PRDM5: variants seen among roughly 807,000 people sequenced by gnomAD.
PRDM5 encodes the protein PR domain zinc finger protein 5.
A neutral mutation model predicts 81.2 loss-of-function variants in PRDM5; 56 were observed. That is an observed-to-expected ratio of 0.69 (90% CI 0.56 to 0.86). The LOEUF is 0.86. PRDM5 is among the 40% of genes least tolerant of loss of function. The probability of loss-of-function intolerance (pLI) is 0.00; values close to 1 mark genes in which losing one functional copy is unlikely to be tolerated. For missense variants in PRDM5, 697 were observed against 770.1 expected, an observed-to-expected ratio of 0.91 and a Z score of 1.12; for synonymous variants, 267 against 256.4, an observed-to-expected ratio of 1.04 and a Z score of -0.39.
chr4:120,744,790 T>C (rs1453862641), intron 14 of PRDM5, among the ~76,000 whole-genome samples: 1 of 150,722 alleles, frequency 6.6e-6, no homozygotes, highest in African/African-American at 2.4e-5. Flanking sequence ...CAAGAATCAA[T>C]AGCTTACCAA....
intron 14 of PRDM5, among the ~76,000 whole-genome samples, chr4:120,720,451 G>A (rs1578469995): frequency 6.6e-6 from 1 of 152,154 alleles, no homozygotes; most frequent in Admixed American, 6.5e-5. Flanking sequence ...CAACAGAATC[G>A]TGGGTGAAAT....
intron 2 of PRDM5, among the ~76,000 whole-genome samples, chr4:120,865,746 A>G (rs1761136522): frequency 6.6e-6 from 1 of 152,034 alleles, no homozygotes; most frequent in South Asian, 2.1e-4. Context: ...CATCACTTAC[A>G]CTGTCCTCAT....
chr4:120,857,215 TG>T (rs1253340959), intron 2 of PRDM5, among the ~76,000 whole-genome samples: 1 of 152,056 alleles, frequency 6.6e-6, no homozygotes, highest in East Asian at 1.9e-4. Context: ...GAAAATTAGC[TG>T]GTGTGGTGGC....
chr4:120,884,847 C>T (rs1579109341), intron 2 of PRDM5, among the ~76,000 whole-genome samples: 1 of 152,164 alleles, frequency 6.6e-6, no homozygotes, highest in East Asian at 1.9e-4. Flanking sequence ...TCTCTTTCAT[C>T]TCTTTCCCTT....
At chr4:120,751,377 T>A (rs994859131) in intron 14 of PRDM5, among the ~76,000 whole-genome samples, 3 of 151,468 alleles carry the variant, frequency 2.0e-5, no homozygotes, top group Admixed American at 6.6e-5. Context: ...GAGATTTTTT[T>A]AAAAATGCAA....
chr4:120,811,341 A>T (rs1753808253), intron 8 of PRDM5, 29 bp downstream of exon 8: 2 of 1,417,200 alleles, frequency 1.4e-6, no homozygotes, highest in Admixed American at 1.7e-5. Context: ...GATAGATATT[A>T]AACTGTGATG....
At chr4:120,810,488 C>T (rs930853622) in intron 8 of PRDM5, 4 of 151,826 alleles carry the variant, frequency 2.6e-5, no homozygotes, top group Admixed American at 6.6e-5. Flanking sequence ...TTAGCAGCAC[C>T]GAAATTGGAA....
chr4:120,706,093 T>G (rs201492294), intron 15 of PRDM5, among the ~76,000 whole-genome samples: 10,485 of 151,810 alleles, frequency 0.069, 424 homozygotes, highest in South Asian at 0.1. Context: ...ATCTTTTTTT[T>G]TTTTTTTTTC....
chr4:120,853,569 A>G (rs765422397), intron 2 of PRDM5, 29 bp from the exon 3 acceptor site: 5 of 1,613,218 alleles, frequency 3.1e-6, no homozygotes, highest in Middle Eastern at 1.6e-4. Context: ...CTGAGTTTAC[A>G]ATGGAAGTCA....
At chr4:120,893,972 A>G (rs1276720576) in intron 2 of PRDM5, among the ~76,000 whole-genome samples, 1 of 152,178 alleles carries the variant, frequency 6.6e-6, no homozygotes, top group East Asian at 1.9e-4. Flanking sequence ...CTTTGGTCCA[A>G]TTCATTAATA....
chr4:120,858,501 TTATTCCC>T (rs1268657894), intron 2 of PRDM5, among the ~76,000 whole-genome samples: 1 of 152,160 alleles, frequency 6.6e-6, no homozygotes, highest in East Asian at 1.9e-4. Flanking sequence ...GGCATGGGTT[TTATTCCC>T]CCACTGATTG....
intron 2 of PRDM5, chr4:120,885,793 C>G (rs576315514): frequency 1.5e-5 from 2 of 136,344 alleles, no homozygotes; most frequent in Admixed American, 7.3e-5. Context: ...ACCCTATCAC[C>G]GAAAGAAAAA....
chr4:120,799,536 T>A (rs1751817058), intron 9 of PRDM5, 125 bp downstream of exon 9: 1 of 1,415,836 alleles, frequency 7.1e-7, no homozygotes, highest in Non-Finnish European at 9.4e-7. Context: ...ATCACATGAC[T>A]ACTAAAGGTC....
intron 2 of PRDM5, among the ~76,000 whole-genome samples, chr4:120,866,179 G>A (rs551853248): frequency 4.5e-4 from 69 of 152,240 alleles, no homozygotes; most frequent in African/African-American, 1.6e-3. Flanking sequence ...TCTCAGCTCA[G>A]ATCACTGTAC....
At position 120,853,661 on chromosome 4, in the gene PRDM5, A is replaced by G; in HGVS notation, c.178-121T>C. On this transcript the variant is annotated intron_variant, in intron 2 of 15. Coordinates refer to ENST00000264808, the MANE Select transcript of PRDM5 (RefSeq NM_018699.4). ...TACCTTTTTTATTGATGGGTGATAA[A>G]TAGAAGTTGGACTAACATGCATTCT... The G allele has an allele frequency of 2.3e-6, 3 of 1,300,894 alleles. 1 individual carries two copies. In the South Asian group the frequency reaches 3.6e-5, roughly 16 times the overall value. 80.6% of individuals were successfully genotyped at this position (1,300,894 alleles called of 1,614,324 possible). A position where few individuals can be genotyped will look rare whatever the true frequency, so the allele number is the denominator to read the frequency against.
chr4:120,832,329 G>A (rs1756817757), intron 3 of PRDM5, among the ~76,000 whole-genome samples: 1 of 152,044 alleles, frequency 6.6e-6, no homozygotes, highest in Non-Finnish European at 1.5e-5. Flanking sequence ...TCACTGTCAT[G>A]AGAACAGAGT....
At chr4:120,900,619 T>A (rs1765129727) in intron 2 of PRDM5, among the ~76,000 whole-genome samples, 1 of 152,080 alleles carries the variant, frequency 6.6e-6, no homozygotes, top group African/African-American at 2.4e-5. Flanking sequence ...CCAAAAACAA[T>A]CCATATATAT....
rs367826973 is a variant in PRDM5 at position 120,775,826 on chromosome 4, C to G, written c.1537+1362G>C. On this transcript the variant is annotated intron_variant, in intron 13 of 15. Transcript: ENST00000264808. ...CCCTTGCCCTTACTCCATCCTAACT[C>G]CATACAGCCACAAATACACATAAAA... 7.9e-5 allele frequency among the ~76,000 whole-genome samples: 12 copies of G among 152,152 alleles called. 1 individual carries two copies. Among genetic ancestry groups the G allele is most frequent in the East Asian group, 5.8e-4 (3 of 5,194 alleles).
At chr4:120,866,502 G>C (rs750793934) in intron 2 of PRDM5, among the ~76,000 whole-genome samples, 2 of 152,146 alleles carry the variant, frequency 1.3e-5, no homozygotes, top group Non-Finnish European at 2.9e-5. Flanking sequence ...TTATGTGCCA[G>C]GCACTTTGTT....
Sources: gnomAD v4.1 joint callset for allele counts (sites outside exome capture counted in the v4.1 genomes callset) on GRCh38, gnomAD v4.1.1 for gene constraint, MANE v1.5 for transcripts, NCBI Gene and HGNC (gene_info 2026-07-23, HGNC 2026-07-21) for gene names.